The following MAPDA variants were observed in gnomAD, a reference collection of about 807,000 sequenced individuals.
MAPDA encodes N6-Methyl-AMP deaminase.
At chr15:43,338,386 CT>C in the MAPDA span, among the ~76,000 whole-genome samples, 6 of 152,186 alleles carry the variant, frequency 3.9e-5, no homozygotes, top group South Asian at 1.2e-3. Context: ...AAAAATGATA[CT>C]TGTTATTACA....
At chr15:43,331,222 C>T in the MAPDA span, among the ~76,000 whole-genome samples, 3 of 152,194 alleles carry the variant, frequency 2.0e-5, no homozygotes, top group Non-Finnish European at 1.5e-5. Flanking sequence ...CTCATCACAC[C>T]GCCTTGGAGA....
At chr15:43,344,483 TA>T in the MAPDA span, among the ~76,000 whole-genome samples, 1 of 152,172 alleles carries the variant, frequency 6.6e-6, no homozygotes, top group South Asian at 2.1e-4. Flanking sequence ...ATAACTGCTT[TA>T]AAAAATTATA....
At chr15:43,351,237 A>G in the MAPDA span, 1 of 541,982 alleles carries the variant, frequency 1.8e-6, no homozygotes, top group South Asian at 2.3e-5. Context: ...AAGGCAGGAG[A>G]ATCACTTGAA....
chr15:43,330,454 C>A, the MAPDA span: 5 of 1,530,218 alleles, frequency 3.3e-6, no homozygotes, highest in Admixed American at 1.1e-4. Flanking sequence ...TGTTCTGTAC[C>A]GCGCCTGCCC....
chr15:43,345,776 C>T, the MAPDA span: 1 of 1,556,814 alleles, frequency 6.4e-7, no homozygotes, highest in African/African-American at 1.4e-5. Flanking sequence ...AGTCTGCCAT[C>T]TCTGTCTGGC....
At chr15:43,342,858 A>G in the MAPDA span, 6 of 579,046 alleles carry the variant, frequency 1.0e-5, no homozygotes, top group Non-Finnish European at 3.0e-6. Flanking sequence ...CATAAGGGCC[A>G]TGTTTTCACT....
chr15:43,349,193 T>C, the MAPDA span: 2 of 1,440,654 alleles, frequency 1.4e-6, no homozygotes, highest in East Asian at 2.5e-5. Context: ...CTGAGCCTTA[T>C]TTAAAACAGA....
At chr15:43,337,425 T>A in the MAPDA span, among the ~76,000 whole-genome samples, 4 of 152,178 alleles carry the variant, frequency 2.6e-5, no homozygotes, top group African/African-American at 9.7e-5. Context: ...AGTAAGTGAT[T>A]AATCCCTAGG....
the MAPDA span, among the ~76,000 whole-genome samples, chr15:43,339,722 C>T: frequency 6.6e-6 from 1 of 152,182 alleles, no homozygotes; most frequent in African/African-American, 2.4e-5. Flanking sequence ...TCATATTTAT[C>T]ACCTACTTTC....
At chr15:43,339,957 T>C in the MAPDA span, among the ~76,000 whole-genome samples, 1 of 152,362 alleles carries the variant, frequency 6.6e-6, no homozygotes, top group South Asian at 2.1e-4. Flanking sequence ...CTCTATTTTA[T>C]CAATCTGCTA....
the MAPDA span, chr15:43,354,060 C>G: frequency 6.6e-6 from 1 of 152,172 alleles, no homozygotes; most frequent in African/African-American, 2.4e-5. Context: ...GGCCCTCAAT[C>G]TGTGGGATCA....
At chr15:43,342,664 G>T in the MAPDA span, among the ~76,000 whole-genome samples, 1 of 151,526 alleles carries the variant, frequency 6.6e-6, no homozygotes, top group Non-Finnish European at 1.5e-5. Context: ...GTGGCAGGAT[G>T]GCTTGAGCTC....
the MAPDA span, among the ~76,000 whole-genome samples, chr15:43,341,869 T>C: frequency 6.6e-6 from 1 of 152,278 alleles, no homozygotes; most frequent in African/African-American, 2.4e-5. Flanking sequence ...AGACGGAGTC[T>C]TGCTCGTCAC....
At chr15:43,339,556 G>A in the MAPDA span, among the ~76,000 whole-genome samples, 1 of 152,118 alleles carries the variant, frequency 6.6e-6, no homozygotes, top group Non-Finnish European at 1.5e-5. Flanking sequence ...CCAACTGTAA[G>A]GACTAATTAC....
chr15:43,334,896 C>T, the MAPDA span: 2 of 456,912 alleles, frequency 4.4e-6, no homozygotes, highest in Non-Finnish European at 7.7e-6. Flanking sequence ...TTAACAAAAT[C>T]CTGTTTCTTT....
the MAPDA span, chr15:43,349,120 A>G: frequency 3.7e-6 from 6 of 1,605,840 alleles, no homozygotes; most frequent in Non-Finnish European, 3.4e-6. Context: ...TGGGGATTAC[A>G]GAGAAGTACT....
the MAPDA span, chr15:43,340,448 A>G: frequency 1.0e-6 from 1 of 988,982 alleles, no homozygotes; most frequent in Non-Finnish European, 1.6e-6. Flanking sequence ...ACTAACTTTT[A>G]TACTATTGTG....
At chr15:43,342,999 A>T in the MAPDA span, 1 of 1,573,762 alleles carries the variant, frequency 6.4e-7, no homozygotes, top group South Asian at 1.2e-5. Flanking sequence ...TCTAGGAATG[A>T]CTAAAAAGAC....
chr15:43,341,123 A>C, the MAPDA span, among the ~76,000 whole-genome samples: 1 of 152,156 alleles, frequency 6.6e-6, no homozygotes. Context: ...CCCTCTTAGC[A>C]CCTTGTTTAT....
Sources: allele counts gnomAD v4.1 joint callset (sites outside exome capture counted in the v4.1 genomes callset), GRCh38; gene constraint gnomAD v4.1.1; transcripts MANE v1.5; gene names NCBI Gene and HGNC (gene_info 2026-07-23, HGNC 2026-07-21).